SGCZ: variants seen among roughly 807,000 people sequenced by gnomAD.
SGCZ encodes sarcoglycan zeta.
SGCZ carries 40 observed loss-of-function variants against 41.3 expected under a neutral mutation model. The observed-to-expected ratio is 0.97, with a 90% CI of 0.75 to 1.26. The LOEUF is 1.26. Ranked by LOEUF, SGCZ falls within the 50% of genes most tolerant of loss-of-function variation. The probability of loss-of-function intolerance (pLI) is 0.00; values close to 1 mark genes in which losing one functional copy is unlikely to be tolerated. For missense variants in SGCZ, 552 were observed against 369.8 expected, an observed-to-expected ratio of 1.49 and a Z score of -4.04; for synonymous variants, 206 against 137.5, an observed-to-expected ratio of 1.50 and a Z score of -3.49.
intron 1 of SGCZ, among the ~76,000 whole-genome samples, chr8:14,592,389 T>C (rs1018458259): frequency 2.6e-5 from 4 of 152,194 alleles, no homozygotes; most frequent in African/African-American, 7.2e-5. Flanking sequence ...ATGTATTTTC[T>C]ACTGTCATTG....
chr8:14,373,433 G>T (rs750941621), intron 2 of SGCZ, among the ~76,000 whole-genome samples: 1 of 152,040 alleles, frequency 6.6e-6, no homozygotes, highest in Non-Finnish European at 1.5e-5. Context: ...ACCATAAATG[G>T]CATTTTAAGG....
chr8:14,691,394 A>T (rs1038058023), intron 1 of SGCZ, among the ~76,000 whole-genome samples: 1 of 152,152 alleles, frequency 6.6e-6, no homozygotes, highest in African/African-American at 2.4e-5. Flanking sequence ...CCGATACATG[A>T]ACAAACAAAC....
At chr8:15,073,902 T>G (rs894001569) in intron 1 of SGCZ, among the ~76,000 whole-genome samples, 2 of 152,186 alleles carry the variant, frequency 1.3e-5, no homozygotes, top group African/African-American at 4.8e-5. Context: ...ATGTTTTACA[T>G]CAACAGCCTC....
At chr8:15,202,237 T>C (rs1398003867) in intron 1 of SGCZ, among the ~76,000 whole-genome samples, 4 of 152,188 alleles carry the variant, frequency 2.6e-5, no homozygotes, top group African/African-American at 9.7e-5. Flanking sequence ...AATCTTTCTG[T>C]AGAGGCCAAA....
chr8:14,215,574 G>GA (rs1554480162), intron 4 of SGCZ, among the ~76,000 whole-genome samples: 2 of 151,780 alleles, frequency 1.3e-5, no homozygotes, highest in African/African-American at 2.4e-5. Flanking sequence ...CTAATTGTTT[G>GA]AAAAAAATTT....
chr8:14,832,724 A>G (rs1802574573), intron 1 of SGCZ, among the ~76,000 whole-genome samples: 1 of 152,182 alleles, frequency 6.6e-6, no homozygotes, highest in African/African-American at 2.4e-5. Context: ...ATAGAGCTGT[A>G]TATTTATGAT....
chr8:14,873,465 C>T (rs945665437), intron 1 of SGCZ, among the ~76,000 whole-genome samples: 5 of 152,066 alleles, frequency 3.3e-5, no homozygotes, highest in African/African-American at 1.2e-4. Context: ...GTGATCATTA[C>T]TTTATTTGTA....
chr8:15,113,110 G>A (rs993806420), intron 1 of SGCZ, among the ~76,000 whole-genome samples: 16 of 151,644 alleles, frequency 1.1e-4, no homozygotes, highest in Non-Finnish European at 1.8e-4. Context: ...TCAGGAGACT[G>A]AGGTGGGAGC....
At chr8:14,740,549 C>G (rs1376125134) in intron 1 of SGCZ, among the ~76,000 whole-genome samples, 1 of 151,926 alleles carries the variant, frequency 6.6e-6, no homozygotes, top group Non-Finnish European at 1.5e-5. Flanking sequence ...CTAATGATGT[C>G]CCATTGTTTT....
intron 1 of SGCZ, among the ~76,000 whole-genome samples, chr8:14,675,186 C>G (rs1808234410): frequency 6.6e-6 from 1 of 151,648 alleles, no homozygotes; most frequent in African/African-American, 2.4e-5. Flanking sequence ...GTGATCTGCC[C>G]ACCTCGGCCT....
intron 1 of SGCZ, among the ~76,000 whole-genome samples, chr8:14,603,976 GA>G (rs1332276898): frequency 5.3e-5 from 8 of 151,774 alleles, no homozygotes; most frequent in African/African-American, 1.9e-4. Flanking sequence ...GTTACTATGT[GA>G]AAAAAATAGC....
intron 1 of SGCZ, among the ~76,000 whole-genome samples, chr8:15,190,159 T>C (rs1205977064): frequency 2.0e-5 from 3 of 152,162 alleles, no homozygotes. Context: ...AACCCTACTC[T>C]CACCACCATA....
At chr8:14,217,974 T>G (rs912652581) in intron 4 of SGCZ, among the ~76,000 whole-genome samples, 1 of 152,004 alleles carries the variant, frequency 6.6e-6, no homozygotes, top group Non-Finnish European at 1.5e-5. Context: ...AAGAAGGAAG[T>G]GTTCTCAATC....
At chr8:14,572,508 T>C (rs1421333818) in intron 1 of SGCZ, among the ~76,000 whole-genome samples, 1 of 151,794 alleles carries the variant, frequency 6.6e-6, no homozygotes, top group African/African-American at 2.4e-5. Context: ...GAGAGGGAAG[T>C]TTATTATTAT....
Position 14,733,953 on chromosome 8 carries a change from T to C in SGCZ, c.40-179027A>G, listed in dbSNP as rs990123591. ...AATCAAAGCAAAGAATAAACCCATGTTGAAAAGACGTTTTATCCTCCACTA... is the reference window on the plus strand; with the variant it reads ...AATCAAAGCAAAGAATAAACCCATGCTGAAAAGACGTTTTATCCTCCACTA... On this transcript the variant is annotated intron_variant, in intron 1 of 7. Transcript: ENST00000382080. Among the ~76,000 whole-genome samples the C allele has an allele frequency of 2.0e-5, 3 of 152,236 alleles. No individual in the cohort carries two copies. The East Asian group carries it at 5.8e-4, about 29-fold the overall frequency.
At chr8:15,168,644 C>CCCCTA (rs1183044634) in intron 1 of SGCZ, among the ~76,000 whole-genome samples, 1 of 151,872 alleles carries the variant, frequency 6.6e-6, no homozygotes, top group African/African-American at 2.4e-5. Context: ...GACACCTGTT[C>CCCCTA]CCCTCTTTCT....
chr8:15,059,904 G>A (rs1250450227), intron 1 of SGCZ, among the ~76,000 whole-genome samples: 1 of 152,244 alleles, frequency 6.6e-6, no homozygotes, highest in Middle Eastern at 3.4e-3. Context: ...TAAAGTAGGG[G>A]AATAGAACAA....
chr8:14,518,677 A>T (rs957307020), intron 2 of SGCZ, among the ~76,000 whole-genome samples: 2 of 152,092 alleles, frequency 1.3e-5, no homozygotes, highest in African/African-American at 2.4e-5. Flanking sequence ...CATATAAGAA[A>T]ATAGAACGTT....
At chr8:14,693,174 C>T (rs767010951) in intron 1 of SGCZ, among the ~76,000 whole-genome samples, 8 of 152,158 alleles carry the variant, frequency 5.3e-5, no homozygotes, top group Non-Finnish European at 8.8e-5. Flanking sequence ...TATTCTAATG[C>T]TAACTTGAAG....
Sources: allele counts gnomAD v4.1 joint callset (sites outside exome capture counted in the v4.1 genomes callset), GRCh38; gene constraint gnomAD v4.1.1; transcripts MANE v1.5; gene names NCBI Gene and HGNC (gene_info 2026-07-23, HGNC 2026-07-21).